The following NKAIN2 variants were observed in gnomAD, a reference collection of about 807,000 sequenced individuals.
NKAIN2 encodes the protein sodium/potassium transporting ATPase interacting 2, also known as sodium/potassium-transporting ATPase subunit beta-1-interacting protein 2.
In NKAIN2, 14 loss-of-function variants were observed where a neutral mutation model predicts 32.6. The ratio of observed to expected loss-of-function variants is 0.43; its 90% CI spans 0.28 to 0.67. The LOEUF (loss-of-function observed/expected upper bound fraction) is 0.67, where lower values mean the gene tolerates loss of function less well. Among genes scored for constraint, NKAIN2 ranks in the 30% least tolerant of loss-of-function variants. The pLI is 0.17. For missense variants in NKAIN2, 198 were observed against 258.3 expected, an observed-to-expected ratio of 0.77 and a Z score of 1.60; for synonymous variants, 80 against 87.2, an observed-to-expected ratio of 0.92 and a Z score of 0.46.
chr6:124,269,375 G>A (rs986171127), intron 1 of NKAIN2, among the ~76,000 whole-genome samples: 7 of 151,776 alleles, frequency 4.6e-5, no homozygotes, highest in Non-Finnish European at 7.4e-5. Context: ...ATTCTAAAAC[G>A]TCCCTGCAGC....
chr6:124,217,357 A>G (rs1035396466), intron 1 of NKAIN2, among the ~76,000 whole-genome samples: 1 of 152,066 alleles, frequency 6.6e-6, no homozygotes, highest in African/African-American at 2.4e-5. Context: ...TTTTGATAAT[A>G]TAGTTAATTT....
chr6:124,298,334 G>A (rs1308723150), intron 2 of NKAIN2, among the ~76,000 whole-genome samples: 1 of 151,526 alleles, frequency 6.6e-6, no homozygotes, highest in Non-Finnish European at 1.5e-5. Flanking sequence ...TATTTTTAAT[G>A]TTTCCATTAT....
At chr6:124,328,771 T>C (rs1376986844) in intron 2 of NKAIN2, among the ~76,000 whole-genome samples, 2 of 152,138 alleles carry the variant, frequency 1.3e-5, no homozygotes, top group Non-Finnish European at 2.9e-5. Flanking sequence ...GTAGGCTACC[T>C]AAAGGAAGGG....
At chr6:124,416,804 GTGGTATCAGTA>G (rs1303582013) in intron 3 of NKAIN2, among the ~76,000 whole-genome samples, 1 of 152,074 alleles carries the variant, frequency 6.6e-6, no homozygotes. Flanking sequence ...TCCAGCCAAG[GTGGTATCAGTA>G]GAGATCTAGT....
chr6:124,768,257 A>C (rs2114752544), intron 4 of NKAIN2, among the ~76,000 whole-genome samples: 1 of 152,322 alleles, frequency 6.6e-6, no homozygotes, highest in Non-Finnish European at 1.5e-5. Flanking sequence ...AGTATAACAA[A>C]CCAGGATGGA....
intron 4 of NKAIN2, among the ~76,000 whole-genome samples, chr6:124,748,450 G>A (rs1249737661): frequency 6.6e-6 from 1 of 151,956 alleles, no homozygotes; most frequent in Non-Finnish European, 1.5e-5. Context: ...CTTTGCCCCA[G>A]ATTCCAAGGG....
chr6:124,198,664 A>G (rs1001398293), intron 1 of NKAIN2, among the ~76,000 whole-genome samples: 6 of 151,762 alleles, frequency 4.0e-5, no homozygotes, highest in African/African-American at 9.7e-5. Flanking sequence ...TTTGCTCTGC[A>G]TGAGAGAAGA....
At chr6:124,380,683 T>A (rs1404452094) in intron 3 of NKAIN2, among the ~76,000 whole-genome samples, 2 of 152,200 alleles carry the variant, frequency 1.3e-5, no homozygotes, top group Non-Finnish European at 2.9e-5. Flanking sequence ...ATTTGTCTAA[T>A]GACATCAAGA....
At chr6:123,901,879 T>A (rs1774607288) in intron 1 of NKAIN2, among the ~76,000 whole-genome samples, 1 of 152,074 alleles carries the variant, frequency 6.6e-6, no homozygotes, top group Admixed American at 6.6e-5. Flanking sequence ...TACAATTTCT[T>A]CTTTACCCTG....
intron 5 of NKAIN2, among the ~76,000 whole-genome samples, chr6:124,802,030 T>G (rs1402207332): frequency 6.6e-6 from 1 of 152,164 alleles, no homozygotes; most frequent in Non-Finnish European, 1.5e-5. Flanking sequence ...GACATTCTCT[T>G]TCCTGAAATT....
chr6:124,104,798 A>T (rs1294821607), intron 1 of NKAIN2, among the ~76,000 whole-genome samples: 93 of 152,220 alleles, frequency 6.1e-4, no homozygotes, highest in Non-Finnish European at 1.2e-3. Context: ...TTAATCTATA[A>T]TAGCCACGGG....
chr6:124,029,923 A>G (rs1387702694), intron 1 of NKAIN2, among the ~76,000 whole-genome samples: 4 of 152,042 alleles, frequency 2.6e-5, no homozygotes, highest in Non-Finnish European at 4.4e-5. Context: ...CGTGCTCCTT[A>G]TAAGAATCTA....
chr6:124,052,616 A>T (rs982916498), intron 1 of NKAIN2, among the ~76,000 whole-genome samples: 5 of 152,132 alleles, frequency 3.3e-5, no homozygotes, highest in Non-Finnish European at 5.9e-5. Flanking sequence ...AAAGTACAAC[A>T]ATATAAGCTT....
chr6:124,386,988 A>G (rs1772927737), intron 3 of NKAIN2, among the ~76,000 whole-genome samples: 1 of 152,006 alleles, frequency 6.6e-6, no homozygotes, highest in Non-Finnish European at 1.5e-5. Flanking sequence ...GCTCTTTTCA[A>G]ACTAATTTCT....
intron 1 of NKAIN2, among the ~76,000 whole-genome samples, chr6:123,963,023 G>A (rs558138529): frequency 2.6e-5 from 4 of 152,184 alleles, no homozygotes; most frequent in Non-Finnish European, 5.9e-5. Context: ...GTGGTGGGTG[G>A]TCCTGACTTC....
intron 2 of NKAIN2, among the ~76,000 whole-genome samples, chr6:124,322,099 TAAG>T (rs1177602989): frequency 6.6e-6 from 1 of 152,076 alleles, no homozygotes; most frequent in Middle Eastern, 3.2e-3. Context: ...AACCAAAAGA[TAAG>T]AACAAAGACA....
chr6:124,724,038 A>T (rs1776153760), intron 4 of NKAIN2, among the ~76,000 whole-genome samples: 1 of 152,080 alleles, frequency 6.6e-6, no homozygotes, highest in Admixed American at 6.5e-5. Context: ...GCAGAATAAA[A>T]CTCTTTGTGA....
intron 1 of NKAIN2, among the ~76,000 whole-genome samples, chr6:124,180,444 A>G (rs1303229192): frequency 2.0e-5 from 3 of 152,070 alleles, no homozygotes; most frequent in East Asian, 1.9e-4. Flanking sequence ...ACCCACCCCT[A>G]TGATTCAATT....
chr6:124,286,448 T>C (rs1795545430), intron 2 of NKAIN2, among the ~76,000 whole-genome samples: 1 of 152,176 alleles, frequency 6.6e-6, no homozygotes, highest in Non-Finnish European at 1.5e-5. Context: ...ATTATTTTAC[T>C]GAATTATCCT....
Sources: allele counts gnomAD v4.1 joint callset (sites outside exome capture counted in the v4.1 genomes callset), GRCh38; gene constraint gnomAD v4.1.1; transcripts MANE v1.5; gene names NCBI Gene and HGNC (gene_info 2026-07-23, HGNC 2026-07-21).